Variants in TRPM6 observed in about 807,000 individuals in gnomAD.
The protein encoded by TRPM6 is channel kinase 2.
TRPM6 carries 111 observed loss-of-function variants against 247.6 expected under a neutral mutation model. The ratio of observed to expected loss-of-function variants is 0.45; its 90% CI spans 0.38 to 0.52. The LOEUF is 0.52. Among genes scored for constraint, TRPM6 ranks in the 20% least tolerant of loss-of-function variants. TRPM6 has a pLI of 0.00. For synonymous variants in TRPM6, 892 were observed against 853.8 expected (o/e 1.04, Z -0.78); for missense variants, 2,126 against 2,421.5 (o/e 0.88, Z 2.56).
In TRPM6 at chr9:74,762,650, A is replaced by T. The variant is rs199791095; in HGVS notation, c.4021T>A (p.Tyr1341Asn). ...VSPNRQAHSK[Y>N]GQFLLVPSNL... Reference sequence around the variant, plus strand: ...GAGGGGACCAGAAGAAACTGGCCATACTTTGAGTGTGCTTGCCTGTTAGGA... The same window carrying T: ...GAGGGGACCAGAAGAAACTGGCCATTCTTTGAGTGTGCTTGCCTGTTAGGA... The change falls in exon 26 of 39, where the codon TAT becomes AAT. Residue 1341 changes from tyrosine (Y) to asparagine (N), a missense_variant. Transcript: ENST00000360774. 110 of 1,614,172 alleles carry T rather than the reference A, an allele frequency of 6.8e-5. No individual in the cohort carries two copies. Among genetic ancestry groups the T allele is most frequent in the Middle Eastern group, 1.6e-4 (1 of 6,062 alleles).
chr9:74,753,365 T>A (rs1826325275), intron 28 of TRPM6, among the ~76,000 whole-genome samples: 1 of 151,676 alleles, frequency 6.6e-6, no homozygotes, highest in Non-Finnish European at 1.5e-5. Context: ...GATTTTGTGC[T>A]GGAAAAAAAA....
intron 30 of TRPM6, among the ~76,000 whole-genome samples, chr9:74,748,311 G>A (rs1415206553): frequency 6.6e-6 from 1 of 152,146 alleles, no homozygotes; most frequent in East Asian, 1.9e-4. Context: ...TATGTTACAG[G>A]TTTATGTATT....
At chr9:74,730,039 A>G (rs1373179113) in intron 37 of TRPM6, among the ~76,000 whole-genome samples, 1 of 152,126 alleles carries the variant, frequency 6.6e-6, no homozygotes, top group Non-Finnish European at 1.5e-5. Flanking sequence ...AATGAAGGAG[A>G]GTTGTAAGGA....
At chr9:74,755,277 G>T in intron 28 of TRPM6, 76 bp downstream of exon 28, 4 of 1,492,624 alleles carry the variant, frequency 2.7e-6, no homozygotes, top group South Asian at 1.1e-5. Context: ...AGGAGGAACC[G>T]CCAATGGTCT....
rs777707223 is a variant in TRPM6, at chr9:74,887,654, G to C, written c.33+170C>G. 3.8e-6 allele frequency: 6 copies of C among 1,588,594 alleles called. No homozygotes were observed. In the African/African-American group the frequency reaches 6.7e-5, roughly 18 times the overall value. The stretch of plus-strand genomic sequence containing the variant: ...ACCTTAGATAGGATAATCATCTTTG[G>C]GTGGAGACCAGAGAACTTGAAAGCC... On this transcript the variant is annotated intron_variant, in intron 1 of 38. Transcript: ENST00000360774.
chr9:74,875,364 A>C (rs1357770985), intron 1 of TRPM6: 1 of 406,858 alleles, frequency 2.5e-6, no homozygotes, highest in African/African-American at 2.1e-5. Context: ...CCAACAAGGT[A>C]AAACCCTGTC....
Position 74,796,048 on chromosome 9 carries a change from A to G in TRPM6, c.2391+693T>C, listed in dbSNP as rs540940377. On this transcript the variant is annotated intron_variant, in intron 18 of 38. Coordinates refer to ENST00000360774, the MANE Select transcript of TRPM6 (RefSeq NM_017662.5). ...GTAATGCAAATTATGTTCCTCAACT[A>G]ATAAATTGCATTACTTAATCAGTGT... 5.3e-5 allele frequency among the ~76,000 whole-genome samples: 8 copies of G among 152,292 alleles called. No homozygotes were observed. The East Asian group carries it at 1.5e-3, about 29-fold the overall frequency.
chr9:74,782,839 G>C lies in TRPM6; in HGVS notation c.2934C>G (p.Phe978Leu). Reference sequence around the variant, plus strand: ...CTATGGCCATGATGATCACAATATAGAACATGTTTGCTGTCTGCAAAAGAG... The same window carrying C: ...CTATGGCCATGATGATCACAATATACAACATGTTTGCTGTCTGCAAAAGAG... ...TMIAKMTANM[F>L]YIVIIMAIVL... Residue 978 changes from phenylalanine to leucine, a missense_variant, in exon 22 of 39, where the codon TTC becomes TTG. Phe to Leu is a conservative substitution (Grantham distance 22). Around this residue, in one of 3 missense-constraint regions of TRPM6, gnomAD observed 1,082 missense variants for 1,307.9 expected, o/e 0.83. Coordinates refer to ENST00000360774, the MANE Select transcript of TRPM6 (RefSeq NM_017662.5). 6.2e-7 allele frequency: 1 copy of C among 1,614,042 alleles called. No homozygotes were observed. The highest frequency in any genetic ancestry group is 8.5e-7 in the Non-Finnish European group (1 of 1,179,998).
At position 74,762,899 on chromosome 9, in the gene TRPM6, A is replaced by G; in HGVS notation, c.3772T>C (p.Cys1258Arg). The change falls in exon 26 of 39, where the codon TGT (cysteine) becomes CGT (arginine). Residue 1258 changes from cysteine (C) to arginine (R), a missense_variant. Cys to Arg is a radical substitution (Grantham distance 180). Coordinates refer to ENST00000360774, the MANE Select transcript of TRPM6 (RefSeq NM_017662.5). Reference protein sequence around the residue: ...KLPHSWSNVICAEVLGSMEIA... With the variant: ...KLPHSWSNVIRAEVLGSMEIA... ...TCCATGCTGCCTAGAACCTCTGCACAGATGACATTGCTCCAGCTGTGGGGA... is the reference window on the plus strand; with the variant it reads ...TCCATGCTGCCTAGAACCTCTGCACGGATGACATTGCTCCAGCTGTGGGGA... 1 of 1,609,742 alleles carries G rather than the reference A, an allele frequency of 6.2e-7. No homozygotes were observed. The highest frequency in any genetic ancestry group is 2.2e-5 in the East Asian group (1 of 44,802).
intron 2 of TRPM6, among the ~76,000 whole-genome samples, chr9:74,856,621 A>G (rs1830534879): frequency 6.6e-6 from 1 of 152,194 alleles, no homozygotes; most frequent in Admixed American, 6.5e-5. Flanking sequence ...GCCTTTTGGG[A>G]ATGCCTTTTC....
chr9:74,815,600 CAGG>C (rs904751999), intron 11 of TRPM6, among the ~76,000 whole-genome samples: 6 of 152,082 alleles, frequency 3.9e-5, no homozygotes, highest in Non-Finnish European at 8.8e-5. Context: ...AGCTGTGCAC[CAGG>C]AGGAGAAGGA....
At chr9:74,778,779 A>G (rs1303091154) in intron 23 of TRPM6, among the ~76,000 whole-genome samples, 1 of 152,180 alleles carries the variant, frequency 6.6e-6, no homozygotes, top group Non-Finnish European at 1.5e-5. Context: ...AAGATCCAGA[A>G]GGGCCTCTGC....
rs746674627 is a variant in TRPM6, at chr9:74,724,754, G to A, written c.5936-8C>T. 2.6e-5 allele frequency: 42 copies of A among 1,613,928 alleles called. No homozygotes were observed. Among genetic ancestry groups the A allele is most frequent in the Non-Finnish European group, 3.3e-5 (39 of 1,180,008 alleles). On this transcript the variant is annotated splice_region_variant and splice_polypyrimidine_tract_variant and intron_variant, in intron 38 of 38. Coordinates refer to ENST00000360774, the MANE Select transcript of TRPM6 (RefSeq NM_017662.5). ...AGTCATTTCTTTTTAAATCTGCAAG[G>A]AGGACAAGTAAAAAGGTTATAGTGG...
intron 33 of TRPM6, among the ~76,000 whole-genome samples, chr9:74,741,391 C>A (rs774931002): frequency 4.6e-5 from 7 of 152,072 alleles, no homozygotes; most frequent in Non-Finnish European, 8.8e-5. Flanking sequence ...TCCATTCTCT[C>A]CCTCTTGCAT....
chr9:74,877,999 A>G (rs1831245120), intron 1 of TRPM6, among the ~76,000 whole-genome samples: 1 of 151,990 alleles, frequency 6.6e-6, no homozygotes, highest in African/African-American at 2.4e-5. Flanking sequence ...GGGCCTAGGG[A>G]TCACCTGCCC....
At chr9:74,883,765 G>A (rs1376580386) in intron 1 of TRPM6, among the ~76,000 whole-genome samples, 1 of 152,166 alleles carries the variant, frequency 6.6e-6, no homozygotes, top group African/African-American at 2.4e-5. Context: ...AGATACTTGA[G>A]AGGTTGAGGT....
intron 1 of TRPM6, among the ~76,000 whole-genome samples, chr9:74,864,981 G>A (rs560837918): frequency 6.6e-6 from 1 of 151,626 alleles, no homozygotes; most frequent in African/African-American, 2.4e-5. Context: ...GCTGAGGCAA[G>A]AGAATCGCTT....
In TRPM6 at chr9:74,722,799, A is replaced by G. The variant is rs1825184975; in HGVS notation, c.*1814T>C. On this transcript the variant is annotated 3_prime_UTR_variant, in exon 39 of 39. Transcript: ENST00000360774. Reference sequence around the variant, plus strand: ...AGGGGAATAAATTAGCCCTTGTGGAACTCAAACTTACAAGAATCAGAGGCA... The same window carrying G: ...AGGGGAATAAATTAGCCCTTGTGGAGCTCAAACTTACAAGAATCAGAGGCA... 1 of 152,198 alleles carries G rather than the reference A, an allele frequency of 6.6e-6. No individual in the cohort carries two copies. Among genetic ancestry groups the G allele is most frequent in the Admixed American group, 6.5e-5 (1 of 15,274 alleles). The allele number at this position is 152,198 out of a possible 1,614,324, so 9.4% of individuals were successfully genotyped here.
At chr9:74,829,918 G>A (rs1044394745) in intron 6 of TRPM6, among the ~76,000 whole-genome samples, 3 of 151,732 alleles carry the variant, frequency 2.0e-5, no homozygotes, top group African/African-American at 7.3e-5. Context: ...TGAGGCCAAG[G>A]GTTCAAAACC....
Sources: gnomAD v4.1 joint callset for allele counts (sites outside exome capture counted in the v4.1 genomes callset) on GRCh38, gnomAD v4.1.1 for gene constraint, gnomAD v4.1.1 regional missense constraint, MANE v1.5 for transcripts, NCBI Gene and HGNC (gene_info 2026-07-23, HGNC 2026-07-21) for gene names.